Variants in PTPN22 observed in about 807,000 individuals in gnomAD.
PTPN22 encodes the protein protein tyrosine phosphatase non-receptor type 22.
In PTPN22, 85 loss-of-function variants were observed where a neutral mutation model predicts 103.3. The observed-to-expected ratio is 0.82, with a 90% confidence interval of 0.69 to 0.99. The LOEUF is 0.99. PTPN22 is among the 50% of genes least tolerant of loss of function. PTPN22 has a pLI of 0.00. For synonymous variants in PTPN22, 323 were observed against 310.2 expected, an observed-to-expected ratio of 1.04 and a Z score of -0.43; for missense variants, 865 against 936.9, an observed-to-expected ratio of 0.92 and a Z score of 1.00.
chr1:113,861,076 T>G (rs1315961678), intron 1 of PTPN22, among the ~76,000 whole-genome samples: 1 of 152,114 alleles, frequency 6.6e-6, no homozygotes, highest in Non-Finnish European at 1.5e-5. Flanking sequence ...GTAATCTAGC[T>G]GGATGACAAA....
intron 9 of PTPN22, 82 bp from the exon 10 acceptor site, chr1:113,852,186 T>C: frequency 4.9e-6 from 5 of 1,013,698 alleles, no homozygotes; most frequent in Non-Finnish European, 7.4e-6. Context: ...TGTACTTCCA[T>C]GGCATCTGCT....
At chr1:113,819,619 C>G in exon 20 of PTPN22, 1 of 1,605,888 alleles carries the variant, frequency 6.2e-7, no homozygotes, top group Non-Finnish European at 8.5e-7. Context: ...TGAACAGATT[C>G]TGCAGGCTTG....
chr1:113,858,570 C>A, exon 4 of PTPN22: 1 of 1,573,290 alleles, frequency 6.4e-7, no homozygotes, highest in Non-Finnish European at 8.7e-7. Context: ...GGTCCATAAA[C>A]TCCCTAAAGG....
At chr1:113,820,341 C>G (rs1661484340) in intron 19 of PTPN22, among the ~76,000 whole-genome samples, 1 of 151,992 alleles carries the variant, frequency 6.6e-6, no homozygotes, top group South Asian at 2.1e-4. Flanking sequence ...ATCTCTAATC[C>G]CAGCTACTTG....
intron 16 of PTPN22, among the ~76,000 whole-genome samples, chr1:113,832,463 C>G (rs994228085): frequency 2.0e-5 from 3 of 152,136 alleles, no homozygotes; most frequent in African/African-American, 7.2e-5. Flanking sequence ...CAGGTGTGAG[C>G]CACTGCGCCT....
chr1:113,855,604 C>T (rs1449131964), intron 7 of PTPN22, among the ~76,000 whole-genome samples: 3 of 150,842 alleles, frequency 2.0e-5, no homozygotes, highest in Non-Finnish European at 4.4e-5. Context: ...ACCAAGACAA[C>T]AGTCCGGCAT....
At chr1:113,829,595 A>G in exon 18 of PTPN22, 2 of 1,570,640 alleles carry the variant, frequency 1.3e-6, no homozygotes. Context: ...TCTTTACCTT[A>G]CTCCTTGTGA....
chr1:113,856,311 C>G (rs1039855466), intron 7 of PTPN22, 71 bp downstream of exon 7: 1 of 1,474,730 alleles, frequency 6.8e-7, no homozygotes, highest in Non-Finnish European at 9.0e-7. Context: ...CCAGCCTGAG[C>G]TACACACATC....
intron 16 of PTPN22, 32 bp downstream of exon 16, chr1:113,833,079 A>G (rs765943463): frequency 6.5e-7 from 1 of 1,545,274 alleles, no homozygotes; most frequent in East Asian, 2.3e-5. Context: ...TCTTAGGGCT[A>G]AATGTCATCT....
intron 1 of PTPN22, among the ~76,000 whole-genome samples, chr1:113,863,927 ATTT>A (rs1192566742): frequency 8.4e-6 from 1 of 118,622 alleles, no homozygotes; most frequent in African/African-American, 3.0e-5. Flanking sequence ...ATATATATAT[ATTT>A]TTTTTTGACA....
rs374220084 is a variant in PTPN22, at chr1:113,858,528, A to G, written c.319T>C (p.Ser107Pro). Residue 107 changes from serine (S) to proline (P), a missense_variant, in exon 4 of 21, where the codon TCT becomes CCT. By Grantham distance (74) the Ser-to-Pro change is moderately conservative. Coordinates refer to ENST00000359785, the Ensembl canonical transcript of PTPN22. ...CTCCAGAAGTCCAGGAGGGTTGTAG[A>G]TAAAGGACCCTGGGTGGCAATATAA... The G allele has an allele frequency of 5.6e-6, 9 of 1,606,868 alleles. No individual in the cohort carries two copies. The highest frequency in any genetic ancestry group is 1.3e-5 in the African/African-American group (1 of 74,770).
At chr1:113,871,487 A>C in intron 1 of PTPN22, 50 bp downstream of exon 1, 1 of 1,495,170 alleles carries the variant, frequency 6.7e-7, no homozygotes, top group Non-Finnish European at 9.3e-7. Flanking sequence ...CCCCATAGTC[A>C]GTTAAATAGT....
chr1:113,862,277 C>T (rs530156130), intron 1 of PTPN22, among the ~76,000 whole-genome samples: 3 of 151,088 alleles, frequency 2.0e-5, no homozygotes, highest in Non-Finnish European at 4.4e-5. Context: ...TGTGAGACTC[C>T]GCCTCAAAAA....
chr1:113,861,475 C>T (rs1430402374), intron 1 of PTPN22, among the ~76,000 whole-genome samples: 5 of 152,058 alleles, frequency 3.3e-5, no homozygotes, highest in African/African-American at 7.2e-5. Flanking sequence ...CTCCTGACCT[C>T]GTGATCTGCC....
chr1:113,868,544 C>T (rs1394096858), intron 1 of PTPN22, among the ~76,000 whole-genome samples: 1 of 152,162 alleles, frequency 6.6e-6, no homozygotes, highest in East Asian at 1.9e-4. Flanking sequence ...TCATCTGAAA[C>T]CTTTAGATGG....
chr1:113,859,771 A>G (rs1482706437), intron 1 of PTPN22, among the ~76,000 whole-genome samples: 1 of 152,240 alleles, frequency 6.6e-6, no homozygotes, highest in Non-Finnish European at 1.5e-5. Flanking sequence ...CAATGGGCAG[A>G]TATTAAAAGC....
chr1:113,838,227 A>T, exon 13 of PTPN22: 1 of 1,614,128 alleles, frequency 6.2e-7, no homozygotes, highest in Non-Finnish European at 8.5e-7. Context: ...TGGTTGTGTC[A>T]GCATTTTTGT....
At chr1:113,826,397 GGGGAAGGGAA>G (rs377642114) in intron 18 of PTPN22, among the ~76,000 whole-genome samples, 7,743 of 123,088 alleles carry the variant, frequency 0.063, 808 homozygotes, top group African/African-American at 0.24. Context: ...GAAGGGAGAA[GGGGAAGGGAA>G]GGGAAGGGAA....
intron 19 of PTPN22, among the ~76,000 whole-genome samples, chr1:113,822,558 A>C (rs1321771790): frequency 6.6e-6 from 1 of 152,042 alleles, no homozygotes; most frequent in Non-Finnish European, 1.5e-5. Flanking sequence ...AATACACCAA[A>C]ATCTCCTACC....
Sources: allele counts gnomAD v4.1 joint callset (sites outside exome capture counted in the v4.1 genomes callset), GRCh38; gene constraint gnomAD v4.1.1; transcripts MANE v1.5; gene names NCBI Gene and HGNC (gene_info 2026-07-23, HGNC 2026-07-21).